PBK: variants seen among roughly 807,000 people sequenced by gnomAD.
The protein encoded by PBK is lymphokine-activated killer T-cell-originated protein kinase.
In PBK, 22 loss-of-function variants were observed where a neutral mutation model predicts 33.5. The ratio of observed to expected loss-of-function variants is 0.66; its 90% CI spans 0.47 to 0.94. The LOEUF is 0.94. Among genes scored for constraint, PBK ranks in the 40% least tolerant of loss-of-function variants. PBK has a pLI of 0.00. For synonymous variants in PBK, 129 were observed against 123.8 expected (o/e 1.04, Z -0.28); for missense variants, 376 against 383.4 (o/e 0.98, Z 0.16).
chr8:27,827,541 A>G (rs1806048832), intron 3 of PBK, among the ~76,000 whole-genome samples: 1 of 152,202 alleles, frequency 6.6e-6, no homozygotes, highest in South Asian at 2.1e-4. Flanking sequence ...ATATATGAAT[A>G]ATAAAAAAGT....
chr8:27,824,511 AAAT>A (rs1223359031), intron 3 of PBK, among the ~76,000 whole-genome samples: 1 of 152,186 alleles, frequency 6.6e-6, no homozygotes, highest in Admixed American at 6.5e-5. Flanking sequence ...ATATGTAAGT[AAAT>A]AAAATCTTTA....
At chr8:27,819,974 ACC>A (rs1480586294) in intron 6 of PBK, among the ~76,000 whole-genome samples, 3 of 152,138 alleles carry the variant, frequency 2.0e-5, no homozygotes, top group African/African-American at 7.2e-5. Context: ...GCATTTATTA[ACC>A]ATTTGTTTAA....
At chr8:27,820,452 A>G (rs1805898130) in intron 6 of PBK, 113 bp downstream of exon 6, 1 of 693,694 alleles carries the variant, frequency 1.4e-6, no homozygotes, top group African/African-American at 1.8e-5. Context: ...GGGACTTTTT[A>G]CCATATACTT....
chr8:27,823,006 G>C (rs1805957969), intron 4 of PBK, 57 bp downstream of exon 4: 1 of 1,104,700 alleles, frequency 9.1e-7, no homozygotes, highest in Admixed American at 2.0e-5. Flanking sequence ...GAGCATATAA[G>C]CTGTTTCTGA....
Position 27,816,343 on chromosome 8 carries a change from C to CTATATATATATA in PBK, c.595+4210_595+4221dup, listed in dbSNP as rs767822258. ...TAAGATTTTGGCTTTTCATCGAATA[C>CTATATATATATA]TATATATATATATATTTATTTATTT... On this transcript the variant is annotated intron_variant, in intron 6 of 7. Transcript: ENST00000301905. 2.2e-4 allele frequency among the ~76,000 whole-genome samples: 30 copies of CTATATATATATA among 136,380 alleles called. 3 individuals carry two copies. Among genetic ancestry groups the CTATATATATATA allele is most frequent in the East Asian group, 1.8e-3 (8 of 4,370 alleles). 89.5% of individuals were successfully genotyped at this position (136,380 alleles called of 152,430 possible).
At chr8:27,830,569 C>T (rs1018902790) in intron 2 of PBK, among the ~76,000 whole-genome samples, 1 of 152,230 alleles carries the variant, frequency 6.6e-6, no homozygotes, top group Non-Finnish European at 1.5e-5. Context: ...ATACATCATG[C>T]TGCCATGTGG....
chr8:27,831,535 T>TACG (rs748624921), intron 2 of PBK, among the ~76,000 whole-genome samples: 23,678 of 151,718 alleles, frequency 0.16, 2,354 homozygotes, highest in East Asian at 0.36. Flanking sequence ...AGAATATCAT[T>TACG]GACATTTGTA....
At chr8:27,822,638 A>C (rs1805952471) in intron 4 of PBK, 150 bp from the exon 5 acceptor site, 2 of 539,460 alleles carry the variant, frequency 3.7e-6, no homozygotes, top group South Asian at 6.1e-5. Flanking sequence ...AATTCAGTAG[A>C]TCTCATTTAA....
rs142343453 is a variant in PBK, at chr8:27,835,588, G to A, written c.-21+2064C>T. Among the ~76,000 whole-genome samples, 583 of 145,684 alleles carry A rather than the reference G, an allele frequency of 4.0e-3. 5 individuals carry two copies. Among genetic ancestry groups the A allele is most frequent in the African/African-American group, 0.014 (562 of 39,726 alleles). On this transcript the variant is annotated intron_variant, in intron 1 of 7. Coordinates refer to ENST00000301905, the MANE Select transcript of PBK (RefSeq NM_018492.4). ...TTTTTTGAGACAGAGTTTTGCTCTTGTTGCCCAGGCTGGGGTGCAATGGTG... is the reference window on the plus strand; with the variant it reads ...TTTTTTGAGACAGAGTTTTGCTCTTATTGCCCAGGCTGGGGTGCAATGGTG...
intron 6 of PBK, among the ~76,000 whole-genome samples, chr8:27,816,374 T>C (rs1787226600): frequency 9.1e-6 from 1 of 109,572 alleles, no homozygotes; most frequent in South Asian, 3.0e-4. Context: ...TATTTATTTA[T>C]TTATTTTAAT....
At chr8:27,832,163 T>G (rs1345979767) in intron 2 of PBK, among the ~76,000 whole-genome samples, 2 of 152,082 alleles carry the variant, frequency 1.3e-5, no homozygotes, top group African/African-American at 4.8e-5. Context: ...GAAGTTCAGT[T>G]TAACACTTGA....
chr8:27,813,883 T>C (rs957717465), intron 6 of PBK, among the ~76,000 whole-genome samples: 1 of 152,152 alleles, frequency 6.6e-6, no homozygotes, highest in African/African-American at 2.4e-5. Flanking sequence ...ATACCTGTGT[T>C]TGTGAAGGAT....
chr8:27,809,942 CTAA>C lies in PBK; in HGVS notation c.*360_*362del, dbSNP rs913408692. The C allele has an allele frequency of 9.1e-6, 2 of 219,968 alleles. No homozygotes were observed. Among genetic ancestry groups the C allele is most frequent in the African/African-American group, 4.8e-5 (2 of 42,080 alleles). The allele number at this position is 219,968 out of a possible 1,614,324, so 13.6% of individuals were successfully genotyped here. On this transcript the variant is annotated 3_prime_UTR_variant, in exon 8 of 8. Coordinates refer to ENST00000301905, the MANE Select transcript of PBK (RefSeq NM_018492.4). ...ACTTTATTTTGTACTGTACAAAGTGCTAATGTCAGTAGATCCATTAAAATATAG... is the reference window on the plus strand; with the variant it reads ...ACTTTATTTTGTACTGTACAAAGTGCTGTCAGTAGATCCATTAAAATATAG...
chr8:27,830,313 C>T (rs977896445), intron 2 of PBK, among the ~76,000 whole-genome samples: 2 of 147,344 alleles, frequency 1.4e-5, no homozygotes, highest in Non-Finnish European at 3.0e-5. Flanking sequence ...CTGAGCATAA[C>T]GGAAAAAAAA....
At chr8:27,825,441 A>G (rs1042556598) in intron 3 of PBK, among the ~76,000 whole-genome samples, 1 of 152,122 alleles carries the variant, frequency 6.6e-6, no homozygotes, top group Admixed American at 6.5e-5. Flanking sequence ...CTGTCTCTAA[A>G]TAATAATGGT....
At chr8:27,835,932 TCTAACAGTGCACTGTTC>T (rs1806219883) in intron 1 of PBK, among the ~76,000 whole-genome samples, 1 of 1,248 alleles carries the variant, frequency 8.0e-4, no homozygotes, top group Non-Finnish European at 2.3e-3. Context: ...TACAATGTGC[TCTAACAGTGCACTGTTC>T]GAGCACATAC....
At chr8:27,825,006 G>C (rs1398552156) in intron 3 of PBK, among the ~76,000 whole-genome samples, 1 of 147,164 alleles carries the variant, frequency 6.8e-6, no homozygotes, top group Non-Finnish European at 1.5e-5. Context: ...TAACATAATA[G>C]CAAATGGATA....
At chr8:27,819,997 T>C (rs1349730702) in intron 6 of PBK, among the ~76,000 whole-genome samples, 2 of 152,154 alleles carry the variant, frequency 1.3e-5, no homozygotes, top group Non-Finnish European at 2.9e-5. Flanking sequence ...CTTCTGTTGA[T>C]ATAAAGAGAC....
chr8:27,816,977 T>C (rs1805830242), intron 6 of PBK, among the ~76,000 whole-genome samples: 1 of 152,100 alleles, frequency 6.6e-6, no homozygotes, highest in South Asian at 2.1e-4. Flanking sequence ...AGTAAAAAGA[T>C]TGATATTTTT....
Sources: gnomAD v4.1 joint callset for allele counts (sites outside exome capture counted in the v4.1 genomes callset) on GRCh38, gnomAD v4.1.1 for gene constraint, MANE v1.5 for transcripts, NCBI Gene and HGNC (gene_info 2026-07-23, HGNC 2026-07-21) for gene names.